SYNE1: variants seen among roughly 807,000 people sequenced by gnomAD.
The protein encoded by SYNE1 is spectrin repeat containing nuclear envelope protein 1, also known as nesprin-1.
SYNE1 carries 616 observed loss-of-function variants against 1,111.0 expected under a neutral mutation model. The observed-to-expected ratio is 0.55, with a 90% CI of 0.52 to 0.59. SYNE1 has a LOEUF of 0.59. Ranked by LOEUF, SYNE1 falls within the 20% of genes least tolerant of loss-of-function variation. The probability of loss-of-function intolerance (pLI) is 0.00; values close to 1 mark genes in which losing one functional copy is unlikely to be tolerated. For synonymous variants in SYNE1, 3,855 were observed against 3,825.8 expected, an observed-to-expected ratio of 1.01 and a Z score of -0.28; for missense variants, 10,006 against 10,417.0, an observed-to-expected ratio of 0.96 and a Z score of 1.72.
chr6:152,206,633 GCA>G (rs2076566821), intron 125 of SYNE1, among the ~76,000 whole-genome samples: 1 of 152,166 alleles, frequency 6.6e-6, no homozygotes, highest in Non-Finnish European at 1.5e-5. Flanking sequence ...ATCTGACCCA[GCA>G]GGGGGCGCAC....
intron 107 of SYNE1, among the ~76,000 whole-genome samples, chr6:152,239,926 T>C (rs1036648316): frequency 2.0e-5 from 3 of 152,110 alleles, no homozygotes; most frequent in African/African-American, 4.8e-5. Context: ...GGCATGCTGG[T>C]GTGTGCCTGT....
chr6:152,621,790 T>G (rs2099676073), intron 3 of SYNE1, among the ~76,000 whole-genome samples: 2 of 152,142 alleles, frequency 1.3e-5, no homozygotes, highest in South Asian at 4.1e-4. Context: ...GAACAAGTAA[T>G]ATACCATTTA....
chr6:152,555,492 A>G (rs2099361948), intron 3 of SYNE1, among the ~76,000 whole-genome samples: 1 of 152,202 alleles, frequency 6.6e-6, no homozygotes, highest in Admixed American at 6.5e-5. Context: ...AGGCTATGCC[A>G]TCTAGGCTTG....
At chr6:152,626,628 T>A (rs1029608531) in intron 3 of SYNE1, among the ~76,000 whole-genome samples, 5 of 152,208 alleles carry the variant, frequency 3.3e-5, no homozygotes, top group Non-Finnish European at 7.3e-5. Context: ...AAGGATATTT[T>A]ATCTAACAAG....
intron 3 of SYNE1, among the ~76,000 whole-genome samples, chr6:152,540,571 G>A (rs1193797133): frequency 6.6e-6 from 1 of 152,210 alleles, no homozygotes; most frequent in Non-Finnish European, 1.5e-5. Context: ...CCCACCACAT[G>A]GAGTCCCCAT....
At chr6:152,510,901 A>G in intron 7 of SYNE1, 110 bp downstream of exon 7, 1 of 979,910 alleles carries the variant, frequency 1.0e-6, no homozygotes, top group African/African-American at 1.6e-5. Context: ...ATTTCTGCTA[A>G]GTTAAGGATC....
At chr6:152,262,004 T>A in intron 101 of SYNE1, 28 bp downstream of exon 101, 1 of 1,552,644 alleles carries the variant, frequency 6.4e-7, no homozygotes, top group Non-Finnish European at 8.8e-7. Flanking sequence ...TTTATATTAG[T>A]TAATATATAA....
intron 3 of SYNE1, among the ~76,000 whole-genome samples, chr6:152,582,646 G>T (rs2099524408): frequency 6.6e-6 from 1 of 151,850 alleles, no homozygotes; most frequent in African/African-American, 2.4e-5. Flanking sequence ...GAGAATATAA[G>T]GTACTGGTGG....
chr6:152,428,519 G>T, intron 36 of SYNE1, 127 bp from the exon 37 acceptor site: 2 of 859,856 alleles, frequency 2.3e-6, no homozygotes, highest in East Asian at 5.3e-5. Flanking sequence ...ACTAAGAATG[G>T]GTACAAATAT....
intron 91 of SYNE1, among the ~76,000 whole-genome samples, 186 bp downstream of exon 91, chr6:152,308,303 C>T (rs762870907): frequency 2.0e-5 from 3 of 152,106 alleles, no homozygotes; most frequent in African/African-American, 4.8e-5. Flanking sequence ...TCAAGGGGAA[C>T]GCACGTGTTA....
chr6:152,502,835 G>A (rs910361595), intron 9 of SYNE1, 93 bp from the exon 10 acceptor site: 14 of 967,676 alleles, frequency 1.4e-5, no homozygotes, highest in African/African-American at 9.8e-5. Context: ...CACCAAAAAC[G>A]CTAAACGCAG....
At chr6:152,374,514 C>T (rs1201281689) in intron 58 of SYNE1, among the ~76,000 whole-genome samples, 1 of 152,192 alleles carries the variant, frequency 6.6e-6, no homozygotes, top group Non-Finnish European at 1.5e-5. Flanking sequence ...TGGCTCATGC[C>T]TGTAATCCCA....
chr6:152,217,011 C>T (rs192881454), intron 121 of SYNE1, among the ~76,000 whole-genome samples: 198 of 148,926 alleles, frequency 1.3e-3, no homozygotes, highest in African/African-American at 4.6e-3. Flanking sequence ...TGCAGTGAGC[C>T]GAGATCGTGC....
At chr6:152,230,524 T>TGTTA in intron 115 of SYNE1, 23 bp downstream of exon 115, 1 of 1,613,052 alleles carries the variant, frequency 6.2e-7, no homozygotes, top group Non-Finnish European at 8.5e-7. Context: ...AGATGGTGCA[T>TGTTA]GTTAGCCACC....
intron 38 of SYNE1, 159 bp downstream of exon 38, chr6:152,427,534 T>G: frequency 1.2e-6 from 1 of 848,554 alleles, no homozygotes; most frequent in South Asian, 1.6e-5. Flanking sequence ...CATGGTTGCT[T>G]TCTTCTTTTT....
At chr6:152,237,223 C>T (rs1314732762) in intron 108 of SYNE1, among the ~76,000 whole-genome samples, 1 of 151,188 alleles carries the variant, frequency 6.6e-6, no homozygotes, top group Non-Finnish European at 1.5e-5. Flanking sequence ...CCATACGTTA[C>T]AATGGGGATA....
At chr6:152,542,675 C>T (rs1195529815) in intron 3 of SYNE1, among the ~76,000 whole-genome samples, 2 of 152,102 alleles carry the variant, frequency 1.3e-5, no homozygotes, top group Non-Finnish European at 2.9e-5. Context: ...TGCCATTATA[C>T]TGTCACTCAA....
In SYNE1 at chr6:152,310,478, G is replaced by A. The variant is rs1376399357; in HGVS notation, c.16937C>T (p.Ala5646Val). 6.2e-7 allele frequency: 1 copy of A among 1,614,122 alleles called. No individual in the cohort carries two copies. The highest frequency in any genetic ancestry group is 8.5e-7 in the Non-Finnish European group (1 of 1,180,028). ...KFEAELKKLQ[A>V]ALEQAQATLT... ...TGTTGCCTGGGCTTGCTCCAAGGCA[G>A]CTTGTAACTTTTTCAACTCTGCTTC... Residue 5646 changes from alanine to valine, a missense_variant, in exon 89 of 146, where the codon GCT becomes GTT. Coordinates refer to ENST00000367255, the MANE Select transcript of SYNE1 (RefSeq NM_182961.4).
rs1291249200 is a variant in SYNE1, at chr6:152,323,710, GATCA to G, written c.15681_15684del (p.Asp5228SerfsTer20). The stretch of plus-strand genomic sequence containing the variant: ...CTTCCAGGTAACTTATCTTGCAGCT[GATCA>G]ATCATTTCAGTGGCCTTTTTAACCT... On this transcript the variant is annotated frameshift_variant, in exon 82 of 146. Transcript: ENST00000367255. LOFTEE classifies it high-confidence loss of function. 2 of 1,614,148 alleles carry G rather than the reference GATCA, an allele frequency of 1.2e-6. No individual in the cohort carries two copies. Among genetic ancestry groups the G allele is most frequent in the Admixed American group, 3.3e-5 (2 of 60,016 alleles).
Sources: allele counts gnomAD v4.1 joint callset (sites outside exome capture counted in the v4.1 genomes callset), GRCh38; gene constraint gnomAD v4.1.1; transcripts MANE v1.5; gene names NCBI Gene and HGNC (gene_info 2026-07-23, HGNC 2026-07-21).